The following CD8B variants were observed in gnomAD, a reference collection of about 807,000 sequenced individuals.
CD8B encodes the protein T-cell surface glycoprotein CD8 beta chain.
In CD8B, 6 loss-of-function variants were observed where a neutral mutation model predicts 24.2. That is an observed-to-expected ratio of 0.25 (90% CI 0.14 to 0.49). CD8B has a LOEUF of 0.49. Among genes scored for constraint, CD8B ranks in the 20% least tolerant of loss-of-function variants. The pLI is 0.98. For missense variants in CD8B, 196 were observed against 271.3 expected (o/e 0.72, Z 1.95); for synonymous variants, 84 against 108.3 (o/e 0.78, Z 1.39).
intron 5 of CD8B, among the ~76,000 whole-genome samples, chr2:86,816,952 C>G (rs1300956125): frequency 6.6e-6 from 1 of 152,112 alleles, no homozygotes; most frequent in Non-Finnish European, 1.5e-5. Flanking sequence ...ATAAAAGCAA[C>G]AGAAGATCTT....
chr2:86,842,936 A>G (rs1675505192), intron 5 of CD8B, among the ~76,000 whole-genome samples: 1 of 151,956 alleles, frequency 6.6e-6, no homozygotes, highest in Non-Finnish European at 1.5e-5. Context: ...TGGGCTTGCA[A>G]AAGCATGAGG....
At chr2:86,850,280 G>A (rs1573519948) in intron 3 of CD8B, among the ~76,000 whole-genome samples, 2 of 152,200 alleles carry the variant, frequency 1.3e-5, no homozygotes, top group East Asian at 1.9e-4. Context: ...GGGCCTCAGG[G>A]TCTCCTGAGC....
At chr2:86,833,202 T>G (rs1303960688), downstream of CD8B, among the ~76,000 whole-genome samples, 1 of 150,394 alleles carries the variant, frequency 6.6e-6, no homozygotes, top group Non-Finnish European at 1.5e-5. Flanking sequence ...TGTCTTTTTT[T>G]TTTTTTTTTT....
chr2:86,840,982 C>G lies in CD8B; in HGVS notation c.*1325G>C, dbSNP rs544441655. On this transcript the variant is annotated 3_prime_UTR_variant, in exon 6 of 6. Transcript: ENST00000390655. Reference sequence around the variant, plus strand: ...TGATTTGTCAATGTCCTTCTTTGAGCTGGCCAGGAAAAGCAGGTGAGGCTG... The same window carrying G: ...TGATTTGTCAATGTCCTTCTTTGAGGTGGCCAGGAAAAGCAGGTGAGGCTG... Among the ~76,000 whole-genome samples the G allele has an allele frequency of 6.6e-6, 1 of 152,274 alleles. No individual in the cohort carries two copies. The highest frequency in any genetic ancestry group is 2.4e-5 in the African/African-American group (1 of 41,538).
chr2:86,843,693 T>C (rs1245507959), intron 5 of CD8B: 2 of 985,276 alleles, frequency 2.0e-6, no homozygotes, highest in Non-Finnish European at 2.4e-6. Flanking sequence ...TGGAATTTAC[T>C]GAAGTGACTT....
At chr2:86,856,839 G>A (rs1676292479) in intron 2 of CD8B, among the ~76,000 whole-genome samples, 1 of 149,256 alleles carries the variant, frequency 6.7e-6, no homozygotes, top group Non-Finnish European at 1.5e-5. Context: ...CGAACACTTA[G>A]TATGAAAAAT....
chr2:86,859,236 TGGG>T (rs1162008087), intron 1 of CD8B, among the ~76,000 whole-genome samples: 1 of 151,644 alleles, frequency 6.6e-6, no homozygotes, highest in Non-Finnish European at 1.5e-5. Flanking sequence ...CAGCAACTGA[TGGG>T]TCACTGGATC....
At chr2:86,820,218 A>C (rs1378002339) in intron 5 of CD8B, among the ~76,000 whole-genome samples, 4 of 152,234 alleles carry the variant, frequency 2.6e-5, no homozygotes, top group African/African-American at 7.2e-5. Context: ...GTTGAGAAAG[A>C]GGCGTCAGTA....
chr2:86,860,238 C>G (rs1179345067), intron 1 of CD8B, among the ~76,000 whole-genome samples: 1 of 152,230 alleles, frequency 6.6e-6, no homozygotes, highest in East Asian at 1.9e-4. Flanking sequence ...CCACTGCACT[C>G]CAGCCTGGGC....
chr2:86,833,536 C>T (rs2104522271), downstream of CD8B, among the ~76,000 whole-genome samples: 1 of 125,290 alleles, frequency 8.0e-6, no homozygotes, highest in Non-Finnish European at 1.7e-5. Flanking sequence ...CCGCTCTCCT[C>T]CCCTCCCGTC....
chr2:86,841,549 A>T lies in CD8B; in HGVS notation c.*758T>A. 3 of 983,260 alleles carry T rather than the reference A, an allele frequency of 3.1e-6. No homozygotes were observed. Among genetic ancestry groups the T allele is most frequent in the Non-Finnish European group, 3.6e-6 (3 of 828,038 alleles). The allele number at this position is 983,260 out of a possible 1,614,324, so 60.9% of individuals were successfully genotyped here. A position where few individuals can be genotyped will look rare whatever the true frequency, so the allele number is the denominator to read the frequency against. ...CGGAGCACTGATGTCTTTGCTGTAGATGGGCTTTCGCACGTTTATGTCACA... is the reference window on the plus strand; with the variant it reads ...CGGAGCACTGATGTCTTTGCTGTAGTTGGGCTTTCGCACGTTTATGTCACA... On this transcript the variant is annotated 3_prime_UTR_variant, in exon 6 of 6. Transcript: ENST00000390655.
rs200315252 is a variant in CD8B, at chr2:86,819,861, GC to G, written c.621-4144del. On this transcript the variant is annotated intron_variant, in intron 5 of 5. Coordinates refer to the CD8B transcript ENST00000331469. ...CTGGAAAGGATTCACCATTCTAGAT[GC>G]AACAAAGAACATTTGTGATTCATGG... Among the ~76,000 whole-genome samples, 455 of 152,318 alleles carry G rather than the reference GC, an allele frequency of 3.0e-3. 4 individuals are homozygous for G. The highest frequency in any genetic ancestry group is 0.01 in the African/African-American group (425 of 41,580).
intron 5 of CD8B, among the ~76,000 whole-genome samples, chr2:86,818,098 T>C (rs983016699): frequency 5.3e-5 from 8 of 152,102 alleles, no homozygotes; most frequent in Admixed American, 1.3e-4. Flanking sequence ...TGGTCCCAGC[T>C]ACTCAGGAGG....
intron 5 of CD8B, among the ~76,000 whole-genome samples, chr2:86,818,170 C>T (rs1027606520): frequency 5.9e-5 from 9 of 152,172 alleles, no homozygotes; most frequent in African/African-American, 1.9e-4. Flanking sequence ...GACTGTACCA[C>T]TGCACTTCAG....
chr2:86,825,802 C>A (rs1263315894), intron 5 of CD8B, among the ~76,000 whole-genome samples: 2 of 152,184 alleles, frequency 1.3e-5, no homozygotes, highest in African/African-American at 2.4e-5. Context: ...TCAGAAAGGG[C>A]CACTGCCCAT....
intron 5 of CD8B, among the ~76,000 whole-genome samples, chr2:86,831,123 G>GCTGTGTTGTC (rs1674891478): frequency 6.6e-6 from 1 of 152,168 alleles, no homozygotes; most frequent in Non-Finnish European, 1.5e-5. Context: ...AGGCTGGAGT[G>GCTGTGTTGTC]CAGTGGTGCG....
At chr2:86,833,621 TTCCCTCCC>T (rs556673491), downstream of CD8B, among the ~76,000 whole-genome samples, 1 of 84,806 alleles carries the variant, frequency 1.2e-5, no homozygotes, top group African/African-American at 3.9e-5. Context: ...CTCCCTCTTT[TTCCCTCCC>T]TCCCTCCCTC....
rs1391079469 is a variant in CD8B, at chr2:86,841,076, A to G, written c.*1231T>C. 1.3e-5 allele frequency among the ~76,000 whole-genome samples: 2 copies of G among 150,764 alleles called. No homozygotes were observed. Among genetic ancestry groups the G allele is most frequent in the Non-Finnish European group, 3.0e-5 (2 of 67,616 alleles). On this transcript the variant is annotated 3_prime_UTR_variant, in exon 6 of 6. Coordinates refer to ENST00000390655, the MANE Select transcript of CD8B (RefSeq NM_004931.5). ...TCAGGTTGCAGTGTTTTATGGTGCA[A>G]TAGCTCCTAGGCTGCTAAAGCTCAG...
chr2:86,849,547 G>A (rs947933405), intron 3 of CD8B, among the ~76,000 whole-genome samples: 1 of 151,964 alleles, frequency 6.6e-6, no homozygotes, highest in African/African-American at 2.4e-5. Context: ...GATGAGCTGT[G>A]AACAAGCACA....
Sources: gnomAD v4.1 joint callset for allele counts (sites outside exome capture counted in the v4.1 genomes callset) on GRCh38, gnomAD v4.1.1 for gene constraint, MANE v1.5 for transcripts, NCBI Gene and HGNC (gene_info 2026-07-23, HGNC 2026-07-21) for gene names.